SFI1: variants seen among roughly 807,000 people sequenced by gnomAD.
The protein encoded by SFI1 is SFI1 centrin binding protein.
SFI1 carries 195 observed loss-of-function variants against 207.5 expected under a neutral mutation model. The ratio of observed to expected loss-of-function variants is 0.94; its 90% confidence interval spans 0.84 to 1.06. The LOEUF (loss-of-function observed/expected upper bound fraction) is 1.06. SFI1 is among the 50% of genes least tolerant of loss of function. SFI1 has a pLI of 0.00. For missense variants in SFI1, 1,634 were observed against 1,588.0 expected, an observed-to-expected ratio of 1.03 and a Z score of -0.49; for synonymous variants, 630 against 598.9, an observed-to-expected ratio of 1.05 and a Z score of -0.76.
chr22:31,549,922 G>GTTGT (rs537425060), intron 5 of SFI1, among the ~76,000 whole-genome samples: 1,839 of 151,150 alleles, frequency 0.012, 11 homozygotes, highest in Middle Eastern at 0.031. Context: ...TTTTGTTGTT[G>GTTGT]TTGTTTGTTT....
chr22:31,513,089 T>C (rs1747367929), intron 2 of SFI1, among the ~76,000 whole-genome samples: 1 of 152,140 alleles, frequency 6.6e-6, no homozygotes, highest in Non-Finnish European at 1.5e-5. Flanking sequence ...CCGGCTGATG[T>C]TATGATTTTT....
chr22:31,592,807 G>A (rs2146568366), intron 15 of SFI1, among the ~76,000 whole-genome samples: 1 of 137,332 alleles, frequency 7.3e-6, no homozygotes, highest in South Asian at 2.3e-4. Context: ...CGGGGGGAGG[G>A]CTGACCCCCC....
chr22:31,598,789 CTTTTTT>C (rs1203871840), intron 15 of SFI1, among the ~76,000 whole-genome samples: 6 of 64,412 alleles, frequency 9.3e-5, no homozygotes, highest in Non-Finnish European at 1.6e-4. Flanking sequence ...TCCAGTTTAT[CTTTTTT>C]TTTTTTTTTT....
intron 4 of SFI1, among the ~76,000 whole-genome samples, chr22:31,542,327 C>G (rs2059624550): frequency 6.6e-6 from 1 of 151,516 alleles, no homozygotes; most frequent in African/African-American, 2.4e-5. Flanking sequence ...CATATGGGTG[C>G]TATAAATACA....
chr22:31,516,843 A>C (rs1429689828), intron 2 of SFI1, among the ~76,000 whole-genome samples: 1 of 151,730 alleles, frequency 6.6e-6, no homozygotes, highest in Non-Finnish European at 1.5e-5. Flanking sequence ...AATCCCAGCT[A>C]CTCGGGAGGC....
chr22:31,598,067 T>TTCTG (rs2067418663), intron 15 of SFI1, among the ~76,000 whole-genome samples: 1 of 151,760 alleles, frequency 6.6e-6, no homozygotes, highest in South Asian at 2.1e-4. Flanking sequence ...AAGCTCCACC[T>TTCTG]TCTGGGTTCA....
chr22:31,576,867 C>T (rs1342794666), intron 10 of SFI1, among the ~76,000 whole-genome samples: 1 of 151,974 alleles, frequency 6.6e-6, no homozygotes, highest in East Asian at 1.9e-4. Context: ...GTCTCAAACT[C>T]CTGACGACCT....
chr22:31,604,691 T>C, intron 19 of SFI1, 178 bp from the exon 20 acceptor site: 1 of 604,350 alleles, frequency 1.7e-6, no homozygotes, highest in Non-Finnish European at 2.9e-6. Context: ...TGTGAGACAG[T>C]TTCTCCCTGT....
rs542377427 is a variant in SFI1, at chr22:31,502,681, A to G, written c.-30-5574A>G. ...GAGCCACTGCGCCCGGCCAGGTTCAATTTTTTAGCAAGATTTCATCATGGG... is the reference window on the plus strand; with the variant it reads ...GAGCCACTGCGCCCGGCCAGGTTCAGTTTTTTAGCAAGATTTCATCATGGG... On this transcript the variant is annotated intron_variant, in intron 1 of 32. Transcript: ENST00000400288. 6.6e-5 allele frequency among the ~76,000 whole-genome samples: 10 copies of G among 152,090 alleles called. 1 individual carries two copies. The South Asian group carries it at 8.3e-4, about 13-fold the overall frequency.
At chr22:31,616,650 C>T in intron 29 of SFI1, 95 bp from the exon 30 acceptor site, 1 of 1,367,678 alleles carries the variant, frequency 7.3e-7, no homozygotes, top group South Asian at 1.5e-5. Flanking sequence ...TCTTCCCCCA[C>T]CCCTGCAGGG....
chr22:31,505,618 C>G (rs1270279377), intron 1 of SFI1, among the ~76,000 whole-genome samples: 1 of 151,672 alleles, frequency 6.6e-6, no homozygotes, highest in African/African-American at 2.4e-5. Context: ...GAGACCCTAT[C>G]TCTACACACA....
In SFI1 at chr22:31,606,310, G is replaced by A. The variant is rs367584369; in HGVS notation, c.2055-18G>A. 146 of 1,610,248 alleles carry A rather than the reference G, an allele frequency of 9.1e-5. 1 individual carries two copies. Among genetic ancestry groups the A allele is most frequent in the Non-Finnish European group, 1.1e-4 (131 of 1,177,234 alleles). On this transcript the variant is annotated intron_variant, in intron 20 of 32. Coordinates refer to ENST00000400288, the MANE Select transcript of SFI1 (RefSeq NM_001007467.3). ...TATCCTGGTGTCATCTGCCTTCCTC[G>A]CACCCATGCATCTGCAGCGGGGCAT...
intron 3 of SFI1, among the ~76,000 whole-genome samples, chr22:31,529,828 G>A (rs2147330121): frequency 6.6e-6 from 1 of 152,214 alleles, no homozygotes; most frequent in East Asian, 1.9e-4. Context: ...CAGATAAAGG[G>A]CAGGAGAAGG....
intron 2 of SFI1, 73 bp downstream of exon 2, chr22:31,508,449 A>C: frequency 8.9e-7 from 1 of 1,128,204 alleles, no homozygotes; most frequent in Non-Finnish European, 1.3e-6. Context: ...TTTGTGTATG[A>C]AAAAATTATA....
At chr22:31,618,013 C>T in intron 31 of SFI1, 102 bp from the exon 32 acceptor site, 1 of 1,335,474 alleles carries the variant, frequency 7.5e-7, no homozygotes, top group Non-Finnish European at 1.0e-6. Context: ...CCTCTCTCCA[C>T]CCGATACCCG....
At chr22:31,562,296 A>G (rs1252435846) in intron 8 of SFI1, among the ~76,000 whole-genome samples, 1 of 152,160 alleles carries the variant, frequency 6.6e-6, no homozygotes, top group Admixed American at 6.6e-5. Flanking sequence ...ACCCTTTAAG[A>G]AAAAGTTTGC....
chr22:31,538,945 A>G (rs558185396), intron 4 of SFI1, among the ~76,000 whole-genome samples: 3 of 151,712 alleles, frequency 2.0e-5, no homozygotes, highest in Non-Finnish European at 4.4e-5. Context: ...GTACGTGACA[A>G]CTCCACTGGG....
At chr22:31,616,455 G>A (rs1010166082) in intron 29 of SFI1, 3 of 365,808 alleles carry the variant, frequency 8.2e-6, no homozygotes, top group South Asian at 1.4e-4. Flanking sequence ...GGTTGGGTAA[G>A]GCAAGGCTAG....
chr22:31,590,795 G>A (rs1405052420), intron 15 of SFI1, among the ~76,000 whole-genome samples: 3 of 149,096 alleles, frequency 2.0e-5, no homozygotes, highest in Admixed American at 6.7e-5. Flanking sequence ...GAGCCACTGC[G>A]CCCGGCCAGC....
Sources: gnomAD v4.1 joint callset for allele counts (sites outside exome capture counted in the v4.1 genomes callset) on GRCh38, gnomAD v4.1.1 for gene constraint, MANE v1.5 for transcripts, NCBI Gene and HGNC (gene_info 2026-07-23, HGNC 2026-07-21) for gene names.